NT5DC4: variants seen among roughly 807,000 people sequenced by gnomAD.
NT5DC4 encodes the protein 5'-nucleotidase domain-containing protein 4.
Under a neutral mutation model 26.6 loss-of-function variants are expected in NT5DC4, and 44 were observed. That is an observed-to-expected ratio of 1.65 (90% confidence interval 1.30 to 2.13). The LOEUF (loss-of-function observed/expected upper bound fraction) is 2.13. NT5DC4 is among the 30% of genes most tolerant of loss of function. The probability of loss-of-function intolerance (pLI) is 0.00; values close to 1 mark genes in which losing one functional copy is unlikely to be tolerated. For missense variants in NT5DC4, 399 were observed against 228.1 expected, an observed-to-expected ratio of 1.75 and a Z score of -4.83; for synonymous variants, 157 against 86.7, an observed-to-expected ratio of 1.81 and a Z score of -4.51.
intron 6 of NT5DC4, 61 bp downstream of exon 6, chr2:112,722,832 C>A: frequency 1.7e-6 from 1 of 605,660 alleles, no homozygotes; most frequent in Admixed American, 2.3e-5. Context: ...AGGGACCAAA[C>A]CCCAAAGAGG....
At chr2:112,719,982 C>CTTTCTTTCTT (rs1676735793), upstream of NT5DC4, among the ~76,000 whole-genome samples, 1 of 79,390 alleles carries the variant, frequency 1.3e-5, no homozygotes, top group Non-Finnish European at 2.6e-5. Context: ...TTCTTTCTTT[C>CTTTCTTTCTT]TTTCTTTTTC....
upstream of NT5DC4, among the ~76,000 whole-genome samples, chr2:112,719,942 C>CTT (rs1477492819): frequency 7.3e-5 from 7 of 96,426 alleles, no homozygotes; most frequent in African/African-American, 2.8e-4. Flanking sequence ...TTCTTTCTTT[C>CTT]TTTCTTTCTT....
At chr2:112,730,669 G>T (rs909633840) in intron 16 of NT5DC4, among the ~76,000 whole-genome samples, 1 of 152,152 alleles carries the variant, frequency 6.6e-6, no homozygotes, top group Non-Finnish European at 1.5e-5. Context: ...CTTTCTGGGG[G>T]CTCACTTTAA....
upstream of NT5DC4, among the ~76,000 whole-genome samples, chr2:112,719,974 C>CT (rs796607963): frequency 6.7e-4 from 53 of 79,586 alleles, no homozygotes; most frequent in East Asian, 1.6e-3. Context: ...TTCTTTCTTT[C>CT]TTTCTTTCTT....
chr2:112,729,677 C>T lies in NT5DC4; in HGVS notation c.1317C>T (p.Ala439=), dbSNP rs1460485882. Residue 439 remains alanine (A), a synonymous_variant, in exon 16 of 17, where the codon GCC becomes GCT. Transcript: ENST00000688554. ...AAGAACAGGCCAATCTAGACCCTGC[C>T]TCCTGCCTCCTCTCCTGCAACCAGA... ...VEQEQANLDP[A]SCLLSCNQRF... 7 of 717,928 alleles carry T rather than the reference C, an allele frequency of 9.8e-6. No individual in the cohort carries two copies. Among genetic ancestry groups the T allele is most frequent in the Admixed American group, 2.0e-5 (1 of 50,028 alleles). 44.5% of individuals were successfully genotyped at this position (717,928 alleles called of 1,614,324 possible). A position where few individuals can be genotyped will look rare whatever the true frequency, so the allele number is the denominator to read the frequency against.
chr2:112,724,363 G>C (rs1677394768), intron 10 of NT5DC4: 1 of 593,746 alleles, frequency 1.7e-6, no homozygotes, highest in South Asian at 2.0e-5. Flanking sequence ...AGGTATGTGG[G>C]GACGGGCGGC....
chr2:112,722,284 G>A lies in NT5DC4; in HGVS notation c.362+6G>A, dbSNP rs1676987180. 3 of 716,940 alleles carry A rather than the reference G, an allele frequency of 4.2e-6. No individual in the cohort carries two copies. Among genetic ancestry groups the A allele is most frequent in the Non-Finnish European group, 7.8e-6 (3 of 385,088 alleles). The allele number at this position is 716,940 out of a possible 1,614,324, so 44.4% of individuals were successfully genotyped here. A position where few individuals can be genotyped will look rare whatever the true frequency, so the allele number is the denominator to read the frequency against. ...GGCTTCACCTTCCTCTCGGAGTAAG[G>A]GACAAAGGTGCCGGGAGAGTGGCAG... On this transcript the variant is annotated splice_donor_region_variant and intron_variant, in intron 4 of 16. Coordinates refer to ENST00000688554, the MANE Select transcript of NT5DC4 (RefSeq NM_001393655.1).
At chr2:112,731,054 A>G (rs760782089) in intron 16 of NT5DC4, 4 of 152,120 alleles carry the variant, frequency 2.6e-5, no homozygotes, top group Non-Finnish European at 4.4e-5. Flanking sequence ...GAAAATATCC[A>G]TAGTCACTTT....
In NT5DC4 at chr2:112,734,195, G is replaced by GTGTGTGTGTGTGTT. The variant is rs1553437320; in HGVS notation, c.1344+4498_1344+4499insGTGTGTTTGTGTGT. 9.0e-3 allele frequency among the ~76,000 whole-genome samples: 1,359 copies of GTGTGTGTGTGTGTT among 151,482 alleles called. 22 individuals are homozygous for GTGTGTGTGTGTGTT. The highest frequency in any genetic ancestry group is 0.032 in the African/African-American group (1,297 of 40,888). On this transcript the variant is annotated intron_variant, in intron 16 of 16. Coordinates refer to ENST00000688554, the MANE Select transcript of NT5DC4 (RefSeq NM_001393655.1). ...TGTGTGTGTGTGTGTGTGTGTGTGTGTGTGTGTACATTAGTCAGGATTTTT... is the reference window on the plus strand; with the variant it reads ...TGTGTGTGTGTGTGTGTGTGTGTGTGTGTGTGTGTGTGTTTGTGTGTACATTAGTCAGGATTTTT...
intron 16 of NT5DC4, among the ~76,000 whole-genome samples, chr2:112,735,796 G>C (rs985569033): frequency 6.6e-6 from 1 of 152,128 alleles, no homozygotes; most frequent in African/African-American, 2.4e-5. Context: ...TTTTGTGTCT[G>C]CAAGACTCTA....
chr2:112,738,835 G>A, intron 16 of NT5DC4, 78 bp from the exon 17 acceptor site: 1 of 1,601,728 alleles, frequency 6.2e-7, no homozygotes, highest in African/African-American at 1.3e-5. Context: ...ATGATTCAGG[G>A]GTTTGAAACC....
intron 14 of NT5DC4, 94 bp from the exon 15 acceptor site, chr2:112,726,584 C>T: frequency 4.2e-6 from 3 of 711,874 alleles, no homozygotes; most frequent in Non-Finnish European, 5.2e-6. Flanking sequence ...CGCACGGTGT[C>T]CCCCCACCCG....
intron 15 of NT5DC4, among the ~76,000 whole-genome samples, chr2:112,728,908 G>T (rs1018390465): frequency 1.2e-4 from 18 of 152,284 alleles, no homozygotes; most frequent in Middle Eastern, 3.4e-3. Flanking sequence ...TGGGGGAACT[G>T]GCTTTCACCG....
upstream of NT5DC4, among the ~76,000 whole-genome samples, chr2:112,719,898 C>T (rs960556584): frequency 1.1e-5 from 1 of 87,622 alleles, no homozygotes; most frequent in East Asian, 4.1e-4. Context: ...TCCTTTCTTT[C>T]TTTCTTTTTC....
chr2:112,723,971 G>A (rs1422646537), intron 9 of NT5DC4, 123 bp from the exon 10 acceptor site: 3 of 703,226 alleles, frequency 4.3e-6, no homozygotes, highest in Non-Finnish European at 7.9e-6. Context: ...GGCCTCAGAA[G>A]AATGAGCAAC....
At chr2:112,736,897 T>C (rs72950385) in intron 16 of NT5DC4, 1 of 152,156 alleles carries the variant, frequency 6.6e-6, no homozygotes, top group Non-Finnish European at 1.5e-5. Flanking sequence ...CACAAACATG[T>C]GAGTGCAGAT....
chr2:112,731,957 C>T (rs1006752871), intron 16 of NT5DC4, among the ~76,000 whole-genome samples: 19 of 119,922 alleles, frequency 1.6e-4, no homozygotes, highest in African/African-American at 5.9e-4. Flanking sequence ...GAGTCTCATT[C>T]TGTCACCCAG....
At chr2:112,725,011 C>A in intron 11 of NT5DC4, 105 bp downstream of exon 11, 1 of 664,056 alleles carries the variant, frequency 1.5e-6, no homozygotes, top group Non-Finnish European at 2.8e-6. Flanking sequence ...CTGTCTGTCC[C>A]TGGAGGCAGG....
intron 15 of NT5DC4, chr2:112,727,092 A>C: frequency 6.6e-6 from 2 of 301,340 alleles, no homozygotes; most frequent in Non-Finnish European, 1.3e-5. Flanking sequence ...CAGTGAGCCC[A>C]GGGTCCTTGG....
Sources: gnomAD v4.1 joint callset for allele counts (sites outside exome capture counted in the v4.1 genomes callset) on GRCh38, gnomAD v4.1.1 for gene constraint, MANE v1.5 for transcripts, NCBI Gene and HGNC (gene_info 2026-07-23, HGNC 2026-07-21) for gene names.